TGM4: variants seen among roughly 807,000 people sequenced by gnomAD.
TGM4 encodes the protein transglutaminase 4, also known as protein-glutamine gamma-glutamyltransferase 4.
In TGM4, 61 loss-of-function variants were observed where a neutral mutation model predicts 76.3. That is an observed-to-expected ratio of 0.80 (90% CI 0.65 to 0.99). TGM4 has a LOEUF of 0.99. Among genes scored for constraint, TGM4 ranks in the 50% least tolerant of loss-of-function variants. TGM4 has a pLI of 0.00. For synonymous variants in TGM4, 337 were observed against 329.8 expected (o/e 1.02, Z -0.24); for missense variants, 794 against 843.2 (o/e 0.94, Z 0.72).
At chr3:44,881,753 A>G (rs562127232) in intron 1 of TGM4, among the ~76,000 whole-genome samples, 22 of 152,352 alleles carry the variant, frequency 1.4e-4, no homozygotes, top group African/African-American at 4.8e-4. Context: ...TTAAAACTCC[A>G]AAAGTATATC....
intron 9 of TGM4, 125 bp downstream of exon 9, chr3:44,904,112 A>G: frequency 2.5e-6 from 2 of 785,382 alleles, no homozygotes; most frequent in Non-Finnish European, 4.2e-6. Context: ...TCCCAAAACA[A>G]AAAGCATGCT....
At chr3:44,891,174 G>A (rs977241889) in intron 4 of TGM4, among the ~76,000 whole-genome samples, 1 of 152,148 alleles carries the variant, frequency 6.6e-6, no homozygotes, top group African/African-American at 2.4e-5. Flanking sequence ...GAGCCTTTAT[G>A]TAAATGGTGC....
chr3:44,902,174 C>A (rs752748183), intron 8 of TGM4, among the ~76,000 whole-genome samples: 2 of 152,218 alleles, frequency 1.3e-5, no homozygotes, highest in Non-Finnish European at 2.9e-5. Context: ...TTCTGCTGAG[C>A]TGTGGGGCCC....
chr3:44,887,825 T>C, intron 3 of TGM4, 30 bp downstream of exon 3: 1 of 1,600,808 alleles, frequency 6.2e-7, no homozygotes, highest in Non-Finnish European at 8.6e-7. Flanking sequence ...GCGGGTGGGC[T>C]GGCTGGCTTC....
At chr3:44,897,194 C>T (rs920031707) in intron 6 of TGM4, among the ~76,000 whole-genome samples, 4 of 151,636 alleles carry the variant, frequency 2.6e-5, no homozygotes, top group Non-Finnish European at 2.9e-5. Flanking sequence ...TTAGTAGAGA[C>T]GGGGTTTCAC....
chr3:44,906,971 AC>A lies in TGM4; in HGVS notation c.1100del (p.Pro367HisfsTer2), dbSNP rs1216021400. ...CAGGTGTCTTCTGCTGTGGGCCATC[AC>A]CACTGACCGCCATCCGCAAAGGTGA... Reference protein sequence around the residue: ...SQGVFCCGPSPLTAIRKGDIF... With the variant: ...SQGVFCCGPSXLTAIRKGDIF... On this transcript the variant is annotated frameshift_variant, in exon 10 of 14. Transcript: ENST00000296125. LOFTEE classifies it high-confidence loss of function. 1 of 1,613,890 alleles carries A rather than the reference AC, an allele frequency of 6.2e-7. No individual in the cohort carries two copies. The highest frequency in any genetic ancestry group is 1.3e-5 in the African/African-American group (1 of 74,852).
At chr3:44,904,022 G>A (rs1699889846) in intron 9 of TGM4, 35 bp downstream of exon 9, 2 of 1,571,958 alleles carry the variant, frequency 1.3e-6, no homozygotes, top group African/African-American at 1.3e-5. Flanking sequence ...GGGCATCCAT[G>A]CTGCTCTCCT....
chr3:44,885,209 C>A, intron 1 of TGM4, 116 bp from the exon 2 acceptor site: 1 of 1,098,346 alleles, frequency 9.1e-7, no homozygotes. Flanking sequence ...CAGGGATGCC[C>A]GACTCTAAAG....
intron 10 of TGM4, among the ~76,000 whole-genome samples, chr3:44,909,547 C>T (rs368880141): frequency 3.3e-5 from 5 of 152,104 alleles, no homozygotes; most frequent in African/African-American, 1.2e-4. Flanking sequence ...TCCAGGGAAT[C>T]GCCCTTAGGT....
At chr3:44,875,009 CAGAT>C (rs1317649580) in intron 1 of TGM4, among the ~76,000 whole-genome samples, 1 of 152,194 alleles carries the variant, frequency 6.6e-6, no homozygotes, top group African/African-American at 2.4e-5. Flanking sequence ...ATGATATAGA[CAGAT>C]AGATAGACAA....
chr3:44,897,000 C>CTTTTT (rs59154155), intron 6 of TGM4, among the ~76,000 whole-genome samples, 184 bp downstream of exon 6: 724 of 104,216 alleles, frequency 6.9e-3, no homozygotes, highest in Non-Finnish European at 9.1e-3. Flanking sequence ...GTTTTCTTTT[C>CTTTTT]TTTTTTTTTT....
rs202075944 is a variant in TGM4, at chr3:44,890,631, A to G, written c.329A>G (p.Asn110Ser). 2.3e-5 allele frequency: 37 copies of G among 1,614,038 alleles called. No individual in the cohort carries two copies. Among genetic ancestry groups the G allele is most frequent in the African/African-American group, 6.7e-5 (5 of 74,938 alleles). Residue 110 changes from asparagine to serine, a missense_variant, in exon 4 of 14, where the codon AAT (asparagine) becomes AGT (serine). Coordinates refer to ENST00000296125, the MANE Select transcript of TGM4 (RefSeq NM_003241.4). ...ACAGTGGCTGTCACCAGTTCCCCCAATGCCATCCTGGGCAAGTACCAACTA... is the reference window on the plus strand; with the variant it reads ...ACAGTGGCTGTCACCAGTTCCCCCAGTGCCATCCTGGGCAAGTACCAACTA... ...EVTVAVTSSP[N>S]AILGKYQLNV... is the part of the protein sequence containing the mutation.
At chr3:44,896,036 A>G (rs1336780728) in intron 5 of TGM4, among the ~76,000 whole-genome samples, 3 of 152,196 alleles carry the variant, frequency 2.0e-5, no homozygotes, top group Non-Finnish European at 4.4e-5. Flanking sequence ...TCTATTACTA[A>G]GGCTTACATA....
intron 1 of TGM4, among the ~76,000 whole-genome samples, chr3:44,875,021 C>T (rs367993061): frequency 8.0e-4 from 122 of 152,322 alleles, no homozygotes; most frequent in African/African-American, 2.7e-3. Context: ...GATAGATAGA[C>T]AAATATATAT....
In TGM4 at chr3:44,895,776, G is replaced by A. The variant is rs71325045; in HGVS notation, c.550-933G>A. Among the ~76,000 whole-genome samples the A allele has an allele frequency of 9.3e-3, 1,418 of 152,298 alleles. 13 individuals are homozygous for A. The highest frequency in any genetic ancestry group is 0.027 in the Middle Eastern group (8 of 294). ...CCCTCAGGTTACAAAAGTAACACAT[G>A]TACTTCAACTCTGTAAATATACAGA... On this transcript the variant is annotated intron_variant, in intron 5 of 13. Transcript: ENST00000296125.
intron 1 of TGM4, among the ~76,000 whole-genome samples, chr3:44,882,223 A>T (rs1396163391): frequency 6.6e-6 from 1 of 151,888 alleles, no homozygotes; most frequent in Non-Finnish European, 1.5e-5. Flanking sequence ...CAGGTATGTG[A>T]CTCCAAAGGC....
At chr3:44,886,147 C>A (rs1699604374) in intron 2 of TGM4, among the ~76,000 whole-genome samples, 1 of 152,156 alleles carries the variant, frequency 6.6e-6, no homozygotes, top group African/African-American at 2.4e-5. Flanking sequence ...AGTTCGAGAT[C>A]AACCTGGCCA....
intron 3 of TGM4, chr3:44,889,165 TCTA>T (rs1460287478): frequency 5.9e-5 from 5 of 84,894 alleles, no homozygotes; most frequent in Admixed American, 2.0e-4. Context: ...CTACCCCATC[TCTA>T]CTAAAAAAAA....
At position 44,876,989 on chromosome 3, in the gene TGM4, A is replaced by G. The variant is rs530012734; in HGVS notation, c.19+2292A>G. Among the ~76,000 whole-genome samples the G allele has an allele frequency of 6.6e-5, 10 of 152,332 alleles. No individual in the cohort carries two copies. In the South Asian group the frequency reaches 1.9e-3, roughly 28 times the overall value. ...GAAAAGATGCTCAACCTTACTTGTA[A>G]CGAGGGTGGTCATGAAATAAAACTG... is the stretch of plus-strand genomic sequence containing the variant. On this transcript the variant is annotated intron_variant, in intron 1 of 13. Coordinates refer to ENST00000296125, the MANE Select transcript of TGM4 (RefSeq NM_003241.4).
Sources: gnomAD v4.1 joint callset for allele counts (sites outside exome capture counted in the v4.1 genomes callset) on GRCh38, gnomAD v4.1.1 for gene constraint, MANE v1.5 for transcripts, NCBI Gene and HGNC (gene_info 2026-07-23, HGNC 2026-07-21) for gene names.